Variants in DNAJC6 observed in about 807,000 individuals in gnomAD.
DNAJC6 encodes auxilin.
DNAJC6 carries 34 observed loss-of-function variants against 110.0 expected under a neutral mutation model. The observed-to-expected ratio is 0.31, with a 90% CI of 0.24 to 0.41. The LOEUF (loss-of-function observed/expected upper bound fraction) is 0.41, where lower values mean the gene tolerates loss of function less well. DNAJC6 is among the 10% of genes least tolerant of loss of function. DNAJC6 has a pLI of 1.00. For missense variants in DNAJC6, 1,031 were observed against 1,207.8 expected, an observed-to-expected ratio of 0.85 and a Z score of 2.17; for synonymous variants, 406 against 437.2, an observed-to-expected ratio of 0.93 and a Z score of 0.89.
chr1:65,344,704 TG>T (rs1372351367), intron 1 of DNAJC6, among the ~76,000 whole-genome samples: 6 of 152,180 alleles, frequency 3.9e-5, no homozygotes, highest in Non-Finnish European at 8.8e-5. Context: ...GGATTTCCAC[TG>T]TCATGATTTA....
At chr1:65,397,319 C>A (rs1645988993) in intron 13 of DNAJC6, among the ~76,000 whole-genome samples, 1 of 152,000 alleles carries the variant, frequency 6.6e-6, no homozygotes, top group Admixed American at 6.6e-5. Context: ...CGTCGCCAAT[C>A]TCTCATGAAA....
intron 1 of DNAJC6, among the ~76,000 whole-genome samples, chr1:65,327,167 G>A (rs1339582089): frequency 1.3e-5 from 2 of 152,170 alleles, no homozygotes; most frequent in African/African-American, 2.4e-5. Context: ...GGAGATGGGG[G>A]AGGACATTCC....
intron 1 of DNAJC6, among the ~76,000 whole-genome samples, chr1:65,285,193 C>T (rs1003503499): frequency 6.6e-6 from 1 of 152,176 alleles, no homozygotes; most frequent in Non-Finnish European, 1.5e-5. Flanking sequence ...GCTCTTCTTT[C>T]CTTGCACAGA....
intron 3 of DNAJC6, 44 bp from the exon 4 acceptor site, chr1:65,366,004 G>A (rs747599035): frequency 4.2e-5 from 67 of 1,612,938 alleles, no homozygotes; most frequent in Non-Finnish European, 5.3e-5. Flanking sequence ...TATAGCAGAC[G>A]TAAACATTTA....
At chr1:65,329,819 C>T (rs376153745) in intron 1 of DNAJC6, among the ~76,000 whole-genome samples, 1 of 152,108 alleles carries the variant, frequency 6.6e-6, no homozygotes, top group East Asian at 1.9e-4. Context: ...GGAAGGCAGC[C>T]ATTCTATTGC....
At chr1:65,284,545 A>C (rs1653953014) in intron 1 of DNAJC6, among the ~76,000 whole-genome samples, 1 of 152,106 alleles carries the variant, frequency 6.6e-6, no homozygotes, top group African/African-American at 2.4e-5. Context: ...TGTTTTTATC[A>C]GTCTCCTCAA....
chr1:65,300,212 T>A (rs950119887), intron 1 of DNAJC6, among the ~76,000 whole-genome samples: 3 of 152,064 alleles, frequency 2.0e-5, no homozygotes, highest in African/African-American at 4.8e-5. Flanking sequence ...CTAGAGGTAA[T>A]CAGTCTAGGG....
intron 12 of DNAJC6, among the ~76,000 whole-genome samples, chr1:65,393,377 A>G (rs1158860720): frequency 6.6e-6 from 1 of 152,208 alleles, no homozygotes; most frequent in East Asian, 1.9e-4. Context: ...CCAGTGTCCA[A>G]ACCTAGGTTA....
At chr1:65,275,906 T>C (rs894685344) in intron 1 of DNAJC6, among the ~76,000 whole-genome samples, 6 of 151,346 alleles carry the variant, frequency 4.0e-5, no homozygotes, top group African/African-American at 1.5e-4. Context: ...ATTCTTTTTT[T>C]TTTTTTTTGA....
At chr1:65,352,690 C>G (rs552998662) in intron 1 of DNAJC6, among the ~76,000 whole-genome samples, 1 of 152,256 alleles carries the variant, frequency 6.6e-6, no homozygotes, top group South Asian at 2.1e-4. Flanking sequence ...TCATCCACAA[C>G]CACTGCTACT....
intron 1 of DNAJC6, among the ~76,000 whole-genome samples, chr1:65,271,967 G>A (rs1653520808): frequency 1.3e-5 from 2 of 151,676 alleles, no homozygotes; most frequent in African/African-American, 4.8e-5. Flanking sequence ...ATAGTTTTTA[G>A]ATTTTAGGGG....
At chr1:65,325,782 A>G (rs943186421) in intron 1 of DNAJC6, among the ~76,000 whole-genome samples, 5 of 152,252 alleles carry the variant, frequency 3.3e-5, no homozygotes, top group Non-Finnish European at 1.5e-5. Flanking sequence ...TGCTTACACA[A>G]ACCTGCATGG....
At chr1:65,272,395 C>T (rs886308678) in intron 1 of DNAJC6, among the ~76,000 whole-genome samples, 6 of 152,258 alleles carry the variant, frequency 3.9e-5, no homozygotes, top group South Asian at 4.1e-4. Context: ...CAAACAACTT[C>T]GTTGTGATAT....
At chr1:65,353,390 A>G (rs1033669566) in intron 1 of DNAJC6, among the ~76,000 whole-genome samples, 6 of 152,368 alleles carry the variant, frequency 3.9e-5, no homozygotes, top group Admixed American at 2.6e-4. Flanking sequence ...CTGGCACATC[A>G]TAAGTACTTA....
At chr1:65,350,464 C>T (rs929340062) in intron 1 of DNAJC6, among the ~76,000 whole-genome samples, 1 of 152,136 alleles carries the variant, frequency 6.6e-6, no homozygotes, top group African/African-American at 2.4e-5. Flanking sequence ...ATTTCAGGTT[C>T]TATTTCTATT....
At chr1:65,352,795 G>T (rs1645504421) in intron 1 of DNAJC6, among the ~76,000 whole-genome samples, 1 of 152,122 alleles carries the variant, frequency 6.6e-6, no homozygotes. Context: ...AGACAATCTT[G>T]GTAGAAGGGG....
chr1:65,279,325 G>A, intron 1 of DNAJC6: 1 of 243,814 alleles, frequency 4.1e-6, no homozygotes, highest in Non-Finnish European at 6.6e-6. Context: ...AGAGGTAGCT[G>A]CAGGGAAGGG....
Position 65,329,644 on chromosome 1 carries a change from G to A in DNAJC6, c.193+19706G>A, listed in dbSNP as rs376785877. 9.2e-4 allele frequency among the ~76,000 whole-genome samples: 140 copies of A among 152,210 alleles called. 1 individual carries two copies. The highest frequency in any genetic ancestry group is 3.1e-3 in the African/African-American group (127 of 41,524). On this transcript the variant is annotated intron_variant, in intron 1 of 18. Transcript: ENST00000371069. ...CAGAAATAGATTCAAATCCAAAACT[G>A]TCTGTTACAAAGTTCACCTTTTTTG... is the stretch of plus-strand genomic sequence containing the variant.
chr1:65,339,785 G>A (rs1645371165), intron 1 of DNAJC6, among the ~76,000 whole-genome samples: 1 of 152,116 alleles, frequency 6.6e-6, no homozygotes, highest in Non-Finnish European at 1.5e-5. Flanking sequence ...GCACTTGCAG[G>A]TGGCCAACTT....
Sources: gnomAD v4.1 joint callset for allele counts (sites outside exome capture counted in the v4.1 genomes callset) on GRCh38, gnomAD v4.1.1 for gene constraint, MANE v1.5 for transcripts, NCBI Gene and HGNC (gene_info 2026-07-23, HGNC 2026-07-21) for gene names.